Variants in ANAPC10 observed in about 807,000 individuals in gnomAD.
ANAPC10 encodes the protein anaphase-promoting complex subunit 10.
Under a neutral mutation model 22.0 loss-of-function variants are expected in ANAPC10, and 12 were observed. That is an observed-to-expected ratio of 0.55 (90% CI 0.35 to 0.88). The LOEUF is 0.88. Ranked by LOEUF, ANAPC10 falls within the 40% of genes least tolerant of loss-of-function variation. The pLI, the probability that ANAPC10 is intolerant of heterozygous loss-of-function variation, is 0.01. For synonymous variants in ANAPC10, 65 were observed against 69.5 expected (o/e 0.94, Z 0.32); for missense variants, 188 against 220.9 (o/e 0.85, Z 0.94).
intron 4 of ANAPC10, among the ~76,000 whole-genome samples, chr4:145,046,388 A>C (rs1256087278): frequency 6.6e-6 from 1 of 152,148 alleles, no homozygotes; most frequent in African/African-American, 2.4e-5. Flanking sequence ...TCCATATTAT[A>C]AAGTCAGCTT....
intron 4 of ANAPC10, among the ~76,000 whole-genome samples, chr4:145,052,628 G>A (rs531008541): frequency 1.1e-4 from 17 of 152,114 alleles, no homozygotes; most frequent in East Asian, 1.9e-4. Context: ...GGCTGGGTGC[G>A]GTGGCTCATG....
intron 4 of ANAPC10, among the ~76,000 whole-genome samples, chr4:145,015,660 A>C (rs1735006778): frequency 6.6e-6 from 1 of 152,152 alleles, no homozygotes; most frequent in Non-Finnish European, 1.5e-5. Context: ...AGTTAAGACA[A>C]AGGAAAGAAT....
intron 4 of ANAPC10, among the ~76,000 whole-genome samples, chr4:145,046,469 G>A (rs1381960842): frequency 2.0e-5 from 3 of 152,018 alleles, no homozygotes; most frequent in East Asian, 1.9e-4. Flanking sequence ...CAAAATCAAA[G>A]GAAGTATCCA....
intron 4 of ANAPC10, among the ~76,000 whole-genome samples, chr4:145,048,092 A>G (rs560006300): frequency 6.6e-6 from 1 of 152,278 alleles, no homozygotes; most frequent in East Asian, 1.9e-4. Flanking sequence ...GAGTCGAATC[A>G]ATTTTAGAAC....
chr4:145,093,090 G>A (rs1470525334), intron 2 of ANAPC10, among the ~76,000 whole-genome samples: 1 of 152,164 alleles, frequency 6.6e-6, no homozygotes, highest in Non-Finnish European at 1.5e-5. Flanking sequence ...ACTGAGTAAT[G>A]AAACACAGTA....
intron 4 of ANAPC10, among the ~76,000 whole-genome samples, chr4:145,030,932 G>T (rs1393178563): frequency 6.6e-6 from 1 of 152,222 alleles, no homozygotes; most frequent in African/African-American, 2.4e-5. Context: ...CCTGGAGAAA[G>T]TGGATTATCG....
At chr4:145,057,125 C>T (rs934675100) in intron 4 of ANAPC10, among the ~76,000 whole-genome samples, 3 of 152,138 alleles carry the variant, frequency 2.0e-5, no homozygotes, top group African/African-American at 7.2e-5. Flanking sequence ...TGAAACCAAA[C>T]AAGAATCCTC....
intron 4 of ANAPC10, among the ~76,000 whole-genome samples, chr4:145,061,239 T>C (rs1742842958): frequency 6.6e-6 from 1 of 152,132 alleles, no homozygotes; most frequent in African/African-American, 2.4e-5. Flanking sequence ...GATGACATAA[T>C]AGAAGCAAAG....
At chr4:145,023,315 ATTT>A (rs1437483660) in intron 4 of ANAPC10, among the ~76,000 whole-genome samples, 1 of 152,136 alleles carries the variant, frequency 6.6e-6, no homozygotes. Flanking sequence ...AAGTATAAGG[ATTT>A]TTGTTATAAA....
At chr4:145,007,345 C>T (rs1422624624) in intron 4 of ANAPC10, among the ~76,000 whole-genome samples, 1 of 152,150 alleles carries the variant, frequency 6.6e-6, no homozygotes, top group East Asian at 1.9e-4. Flanking sequence ...ACATTCTTCT[C>T]AGCACCCCAC....
At chr4:145,016,191 C>T (rs766940703) in intron 4 of ANAPC10, among the ~76,000 whole-genome samples, 1 of 152,190 alleles carries the variant, frequency 6.6e-6, no homozygotes, top group Non-Finnish European at 1.5e-5. Context: ...TCCCTGTTTG[C>T]AGATGACATG....
intron 4 of ANAPC10, among the ~76,000 whole-genome samples, chr4:145,020,067 C>A (rs747094764): frequency 6.6e-6 from 1 of 152,058 alleles, no homozygotes; most frequent in African/African-American, 2.4e-5. Flanking sequence ...AAGAGGGAAC[C>A]CTCCCTAATT....
At chr4:145,036,493 G>C (rs747173372) in intron 4 of ANAPC10, among the ~76,000 whole-genome samples, 4 of 152,108 alleles carry the variant, frequency 2.6e-5, no homozygotes, top group African/African-American at 4.8e-5. Flanking sequence ...TATGATTGTT[G>C]CAAGTGCTAC....
At chr4:145,030,343 A>G (rs1024385053) in intron 4 of ANAPC10, among the ~76,000 whole-genome samples, 3 of 152,172 alleles carry the variant, frequency 2.0e-5, no homozygotes, top group Non-Finnish European at 2.9e-5. Context: ...ACCCCACTAC[A>G]TTACCAACAA....
At chr4:145,053,880 TG>T in intron 4 of ANAPC10, 1 of 508,736 alleles carries the variant, frequency 2.0e-6, no homozygotes, top group South Asian at 3.2e-5. Flanking sequence ...CAAGATTTAC[TG>T]CAGCACTTTC....
intron 2 of ANAPC10, among the ~76,000 whole-genome samples, chr4:145,088,064 AGAGAAATGAAG>A (rs1336473586): frequency 2.0e-5 from 3 of 152,124 alleles, no homozygotes; most frequent in Non-Finnish European, 4.4e-5. Context: ...TAAAAATAAA[AGAGAAATGAAG>A]AATTAACTAA....
intron 2 of ANAPC10, among the ~76,000 whole-genome samples, chr4:145,083,968 A>T (rs1746477664): frequency 6.6e-6 from 1 of 151,602 alleles, no homozygotes; most frequent in Admixed American, 6.6e-5. Flanking sequence ...ACTATTACAG[A>T]TCTTTTTTTT....
At chr4:145,023,472 G>A (rs762103343) in intron 4 of ANAPC10, among the ~76,000 whole-genome samples, 2 of 151,950 alleles carry the variant, frequency 1.3e-5, no homozygotes, top group African/African-American at 4.8e-5. Context: ...AAATTTACAC[G>A]ATGAAGATTT....
intron 4 of ANAPC10, among the ~76,000 whole-genome samples, chr4:145,047,862 G>A (rs1740552603): frequency 6.6e-6 from 1 of 152,072 alleles, no homozygotes; most frequent in South Asian, 2.1e-4. Context: ...AAATACTAAG[G>A]TAGAACAGTG....
Sources: allele counts gnomAD v4.1 joint callset (sites outside exome capture counted in the v4.1 genomes callset), GRCh38; gene constraint gnomAD v4.1.1; transcripts MANE v1.5; gene names NCBI Gene and HGNC (gene_info 2026-07-23, HGNC 2026-07-21).